The following TENM3 variants were observed in gnomAD, a reference collection of about 807,000 sequenced individuals.
The protein encoded by TENM3 is teneurin-3.
A neutral mutation model predicts 255.1 loss-of-function variants in TENM3; 63 were observed. The ratio of observed to expected loss-of-function variants is 0.25; its 90% CI spans 0.20 to 0.30. The LOEUF (loss-of-function observed/expected upper bound fraction) is 0.30, where lower values mean the gene tolerates loss of function less well. Ranked by LOEUF, TENM3 falls within the 10% of genes least tolerant of loss-of-function variation. TENM3 has a pLI of 1.00. For synonymous variants in TENM3, 1,306 were observed against 1,322.3 expected (o/e 0.99, Z 0.27); for missense variants, 2,929 against 3,461.1 (o/e 0.85, Z 3.86).
At chr4:182,342,917 T>C (rs1366912292) in intron 2 of TENM3, among the ~76,000 whole-genome samples, 1 of 152,176 alleles carries the variant, frequency 6.6e-6, no homozygotes, top group Non-Finnish European at 1.5e-5. Context: ...TATAGACAAA[T>C]AGAACAAATT....
chr4:181,753,319 AT>A, the TENM3 span, among the ~76,000 whole-genome samples: 1 of 152,160 alleles, frequency 6.6e-6, no homozygotes, highest in African/African-American at 2.4e-5. Context: ...TATCTCCCCC[AT>A]GAAAGCATGA....
At chr4:181,883,503 CTCTG>C in the TENM3 span, among the ~76,000 whole-genome samples, 2 of 152,168 alleles carry the variant, frequency 1.3e-5, no homozygotes, top group African/African-American at 4.8e-5. Context: ...CGGAGTCTCG[CTCTG>C]TCTGTCGCCC....
the TENM3 span, among the ~76,000 whole-genome samples, chr4:181,566,213 T>G: frequency 1.8e-4 from 27 of 152,302 alleles, no homozygotes; most frequent in African/African-American, 6.3e-4. Context: ...CTAAGCAATA[T>G]CTCCCTGAAA....
chr4:182,729,299 T>C (rs1760488686), intron 14 of TENM3, 118 bp downstream of exon 14: 1 of 857,654 alleles, frequency 1.2e-6, no homozygotes, highest in Admixed American at 2.8e-5. Context: ...AATACAGTTT[T>C]TCCTCTTTCT....
chr4:182,800,503 C>A lies in TENM3; in HGVS notation c.*152C>A, dbSNP rs1158915524. On this transcript the variant is annotated 3_prime_UTR_variant, in exon 28 of 28. Transcript: ENST00000511685. ...ACCCACACCGCGAAAACAAGGACCG[C>A]TTTTTTCCGAATGACCTTAAAGGTG... 31 of 933,736 alleles carry A rather than the reference C, an allele frequency of 3.3e-5. No homozygotes were observed. The highest frequency in any genetic ancestry group is 4.5e-5 in the Non-Finnish European group (29 of 649,698). The allele number at this position is 933,736 out of a possible 1,614,324, so 57.8% of individuals were successfully genotyped here.
the TENM3 span, among the ~76,000 whole-genome samples, chr4:181,581,429 A>G: frequency 1.3e-5 from 2 of 152,062 alleles, no homozygotes; most frequent in African/African-American, 4.8e-5. Context: ...CGACAGAGAG[A>G]GACTCCATCT....
the TENM3 span, among the ~76,000 whole-genome samples, chr4:181,655,275 A>C: frequency 6.6e-6 from 1 of 152,210 alleles, no homozygotes; most frequent in African/African-American, 2.4e-5. Flanking sequence ...AGGAGTGAGG[A>C]TGCTCAATTT....
rs537959561 is a variant in TENM3 at position 182,360,624 on chromosome 4, T to A, written c.511+13695T>A. On this transcript the variant is annotated intron_variant, in intron 3 of 27. Transcript: ENST00000511685. ...TTGAGGCTATGTGTGTCTCTGCATG[T>A]GAGATGGGTTTCCTGAATACAACAC... 5.3e-5 allele frequency among the ~76,000 whole-genome samples: 8 copies of A among 152,326 alleles called. No homozygotes were observed. In the East Asian group the frequency reaches 1.5e-3, roughly 29 times the overall value.
the TENM3 span, among the ~76,000 whole-genome samples, chr4:181,982,711 T>C: frequency 6.6e-6 from 1 of 152,184 alleles, no homozygotes; most frequent in African/African-American, 2.4e-5. Flanking sequence ...TTGTTTACTG[T>C]ACTGTGGGTT....
chr4:181,808,773 C>A, the TENM3 span, among the ~76,000 whole-genome samples: 7 of 152,084 alleles, frequency 4.6e-5, no homozygotes, highest in Non-Finnish European at 8.8e-5. Context: ...TTTCCACAAA[C>A]CACAAAATGG....
the TENM3 span, among the ~76,000 whole-genome samples, chr4:181,967,921 G>T: frequency 1.3e-5 from 2 of 152,226 alleles, no homozygotes; most frequent in East Asian, 1.9e-4. Flanking sequence ...GAGATCACAG[G>T]GCTTTTCCTT....
chr4:182,105,689 AC>A, the TENM3 span, among the ~76,000 whole-genome samples: 1 of 152,202 alleles, frequency 6.6e-6, no homozygotes, highest in Non-Finnish European at 1.5e-5. Context: ...AGCGTTGCCA[AC>A]CAGCTAAGCT....
chr4:182,296,593 T>C (rs1448667877), intron 1 of TENM3, among the ~76,000 whole-genome samples: 2 of 152,210 alleles, frequency 1.3e-5, no homozygotes, highest in Non-Finnish European at 2.9e-5. Flanking sequence ...TAGATTGCAT[T>C]GACTTGAAAT....
intron 3 of TENM3, among the ~76,000 whole-genome samples, chr4:182,541,228 T>A (rs1012576211): frequency 1.3e-5 from 2 of 152,202 alleles, no homozygotes; most frequent in Admixed American, 1.3e-4. Context: ...ACATCTAACA[T>A]GACTTAACAG....
chr4:182,701,936 C>T (rs1757909392), intron 12 of TENM3, among the ~76,000 whole-genome samples: 1 of 152,140 alleles, frequency 6.6e-6, no homozygotes, highest in Admixed American at 6.5e-5. Flanking sequence ...AGCAAACTCA[C>T]AATGTAAGGA....
intron 3 of TENM3, among the ~76,000 whole-genome samples, chr4:182,500,631 A>T (rs1227904603): frequency 4.9e-4 from 8 of 16,196 alleles, no homozygotes; most frequent in African/African-American, 7.4e-4. Flanking sequence ...GAATTTAAGT[A>T]AATAATTAGA....
chr4:181,765,166 A>G, the TENM3 span, among the ~76,000 whole-genome samples: 1 of 152,126 alleles, frequency 6.6e-6, no homozygotes, highest in African/African-American at 2.4e-5. Flanking sequence ...TTTCCCAACA[A>G]ATTTCTATTT....
At chr4:182,323,064 T>A (rs1229567538) in intron 1 of TENM3, among the ~76,000 whole-genome samples, 1 of 152,064 alleles carries the variant, frequency 6.6e-6, no homozygotes, top group Non-Finnish European at 1.5e-5. Flanking sequence ...AAATGCGGAT[T>A]CGCCCCGGGC....
Position 182,793,416 on chromosome 4 carries a change from T to A in TENM3, c.6744T>A (p.Phe2248Leu). 1 of 1,613,976 alleles carries A rather than the reference T, an allele frequency of 6.2e-7. No individual in the cohort carries two copies. The highest frequency in any genetic ancestry group is 8.5e-7 in the Non-Finnish European group (1 of 1,179,882). The change falls in exon 26 of 28, where the codon TTT (phenylalanine) becomes TTA (leucine). Residue 2248 changes from phenylalanine (F) to leucine (L), a missense_variant. Coordinates refer to ENST00000511685, the MANE Select transcript of TENM3 (RefSeq NM_001080477.4). This position sits in a 1 kb window ranked among gnomAD's most constrained non-coding sequence, Gnocchi z 5.7. ...CCAGTCTAGGACAGCACCTGCAGTT[T>A]TTTTATGCTGACTTAACTTATCCCA... ...SKTSLGQHLQ[F>L]FYADLTYPTR...
Sources: allele counts gnomAD v4.1 joint callset (sites outside exome capture counted in the v4.1 genomes callset), GRCh38; gene constraint gnomAD v4.1.1; non-coding constraint Gnocchi (gnomAD v3.1); transcripts MANE v1.5; gene names NCBI Gene and HGNC (gene_info 2026-07-23, HGNC 2026-07-21).